TCERG1L: variants seen among roughly 807,000 people sequenced by gnomAD.
TCERG1L encodes the protein transcription elongation regulator 1-like protein.
A neutral mutation model predicts 56.3 loss-of-function variants in TCERG1L; 37 were observed. That is an observed-to-expected ratio of 0.66 (90% CI 0.51 to 0.87). The LOEUF is 0.87. TCERG1L is among the 40% of genes least tolerant of loss of function. The probability of loss-of-function intolerance (pLI) is 0.00; values close to 1 mark genes in which losing one functional copy is unlikely to be tolerated. For synonymous variants in TCERG1L, 324 were observed against 326.3 expected, an observed-to-expected ratio of 0.99 and a Z score of 0.08; for missense variants, 799 against 774.2, an observed-to-expected ratio of 1.03 and a Z score of -0.38.
chr10:131,135,262 G>C (rs778656925), intron 7 of TCERG1L, among the ~76,000 whole-genome samples: 1 of 152,116 alleles, frequency 6.6e-6, no homozygotes, highest in Non-Finnish European at 1.5e-5. Flanking sequence ...GGCTGGGCTA[G>C]GCTGAACTAG....
intron 4 of TCERG1L, among the ~76,000 whole-genome samples, chr10:131,258,042 A>C (rs1337202750): frequency 6.6e-6 from 1 of 152,232 alleles, no homozygotes; most frequent in Non-Finnish European, 1.5e-5. Context: ...CCTGCTTTGC[A>C]TTGATGTCCT....
intron 3 of TCERG1L, among the ~76,000 whole-genome samples, chr10:131,300,013 T>C (rs1295759857): frequency 6.6e-6 from 1 of 152,166 alleles, no homozygotes; most frequent in Non-Finnish European, 1.5e-5. Flanking sequence ...TAACTTTCTC[T>C]ATGCTAGTAT....
chr10:131,255,034 G>A (rs1245513681), intron 4 of TCERG1L, among the ~76,000 whole-genome samples: 3 of 152,078 alleles, frequency 2.0e-5, no homozygotes, highest in Non-Finnish European at 4.4e-5. Flanking sequence ...AACACTGTGG[G>A]AGAGGAGGCA....
chr10:131,120,958 C>A lies in TCERG1L; in HGVS notation c.1260-4024G>T, dbSNP rs142743337. Among the ~76,000 whole-genome samples the A allele has an allele frequency of 2.9e-3, 444 of 152,348 alleles. 3 individuals are homozygous for A. The highest frequency in any genetic ancestry group is 4.5e-3 in the Non-Finnish European group (308 of 68,038). On this transcript the variant is annotated intron_variant, in intron 8 of 11. Coordinates refer to ENST00000368642, the MANE Select transcript of TCERG1L (RefSeq NM_174937.4). Reference sequence around the variant, plus strand: ...CCAAGGAGCTTACAGTCCAGTGGGACATGTATAAAACAGTTACACACATGC... The same window carrying A: ...CCAAGGAGCTTACAGTCCAGTGGGAAATGTATAAAACAGTTACACACATGC...
intron 3 of TCERG1L, among the ~76,000 whole-genome samples, chr10:131,281,137 G>A (rs1846447114): frequency 6.6e-6 from 1 of 152,090 alleles, no homozygotes; most frequent in Non-Finnish European, 1.5e-5. Flanking sequence ...TAATCTACTA[G>A]CAACAGTCAT....
chr10:131,287,696 G>C (rs1162278058), intron 3 of TCERG1L, among the ~76,000 whole-genome samples: 2 of 152,148 alleles, frequency 1.3e-5, no homozygotes, highest in Non-Finnish European at 1.5e-5. Context: ...AGCATCTATG[G>C]GAACGGTCTA....
chr10:131,281,046 G>A (rs1166625589), intron 3 of TCERG1L, among the ~76,000 whole-genome samples: 3 of 152,074 alleles, frequency 2.0e-5, no homozygotes, highest in African/African-American at 7.2e-5. Context: ...TATCACTGTG[G>A]TCCACAGTGA....
intron 3 of TCERG1L, among the ~76,000 whole-genome samples, chr10:131,278,458 C>T (rs1846416892): frequency 6.6e-6 from 1 of 151,850 alleles, no homozygotes; most frequent in Non-Finnish European, 1.5e-5. Context: ...CTGCCTCCGC[C>T]TCCCAAGTAG....
At position 131,129,223 on chromosome 10, in the gene TCERG1L, A is replaced by C. The variant is rs775868392; in HGVS notation, c.1259+5156T>G. The stretch of plus-strand genomic sequence containing the variant: ...CCTCTAAGAGGAAAAAAAAAAGAAA[A>C]CAGTCAAGGAAATTTAAACCATGGC... On this transcript the variant is annotated intron_variant, in intron 8 of 11. Transcript: ENST00000368642. 3.7e-4 allele frequency among the ~76,000 whole-genome samples: 57 copies of C among 152,240 alleles called. 1 individual carries two copies. The highest frequency in any genetic ancestry group is 6.5e-4 in the Non-Finnish European group (44 of 68,046).
At chr10:131,257,839 T>C (rs1428209819) in intron 4 of TCERG1L, among the ~76,000 whole-genome samples, 1 of 152,218 alleles carries the variant, frequency 6.6e-6, no homozygotes, top group African/African-American at 2.4e-5. Context: ...AGCTCTGAGG[T>C]TACTGACTTT....
At chr10:131,148,102 C>A (rs1845819314) in intron 6 of TCERG1L, among the ~76,000 whole-genome samples, 2 of 152,242 alleles carry the variant, frequency 1.3e-5, no homozygotes, top group African/African-American at 4.8e-5. Flanking sequence ...CCAAAGACGT[C>A]CACGTCCTGA....
At position 131,192,297 on chromosome 10, in the gene TCERG1L, C is replaced by A. The variant is rs1379693284; in HGVS notation, c.857-25412G>T. 1.4e-5 allele frequency among the ~76,000 whole-genome samples: 2 copies of A among 144,114 alleles called. 1 individual carries two copies. Among genetic ancestry groups the A allele is most frequent in the Non-Finnish European group, 3.1e-5 (2 of 65,404 alleles). 94.5% of individuals were successfully genotyped at this position (144,114 alleles called of 152,430 possible). A position where few individuals can be genotyped will look rare whatever the true frequency, so the allele number is the denominator to read the frequency against. On this transcript the variant is annotated intron_variant, in intron 4 of 11. Coordinates refer to ENST00000368642, the MANE Select transcript of TCERG1L (RefSeq NM_174937.4). ...ATGCTTAACATAGTTAATCATCAGA[C>A]AACTGCAAATTAAAACCACAATGAG...
At chr10:131,172,278 C>A (rs1414716363) in intron 4 of TCERG1L, among the ~76,000 whole-genome samples, 1 of 151,832 alleles carries the variant, frequency 6.6e-6, no homozygotes, top group Non-Finnish European at 1.5e-5. Context: ...AGGAGGGGAA[C>A]CCGGGGAAGT....
intron 1 of TCERG1L, among the ~76,000 whole-genome samples, chr10:131,310,356 A>G (rs1846872548): frequency 1.3e-5 from 2 of 152,244 alleles, no homozygotes; most frequent in Admixed American, 6.5e-5. Context: ...CCAGTGCTGC[A>G]TATGTGATGT....
chr10:131,136,668 G>C (rs1845678640), intron 7 of TCERG1L, among the ~76,000 whole-genome samples: 1 of 151,988 alleles, frequency 6.6e-6, no homozygotes, highest in African/African-American at 2.4e-5. Flanking sequence ...GCTAATTTTT[G>C]TGTTTTTAGT....
chr10:131,245,533 G>A (rs541197457), intron 4 of TCERG1L, among the ~76,000 whole-genome samples: 41 of 152,272 alleles, frequency 2.7e-4, no homozygotes, highest in African/African-American at 9.4e-4. Flanking sequence ...AAACGAGGGG[G>A]CGGCTCTCCG....
At chr10:131,212,343 A>G (rs1845628355) in intron 4 of TCERG1L, among the ~76,000 whole-genome samples, 1 of 152,250 alleles carries the variant, frequency 6.6e-6, no homozygotes, top group Non-Finnish European at 1.5e-5. Flanking sequence ...CCTGAAGTTA[A>G]GGGTATACCA....
At chr10:131,137,291 C>T (rs11017742) in intron 7 of TCERG1L, among the ~76,000 whole-genome samples, 54,130 of 152,042 alleles carry the variant, frequency 0.36, 9,919 homozygotes, top group Non-Finnish European at 0.39. Context: ...CGCTGGGTCC[C>T]GAGCTCTCAC....
At chr10:131,295,312 G>C (rs779615373) in intron 3 of TCERG1L, among the ~76,000 whole-genome samples, 18 of 152,276 alleles carry the variant, frequency 1.2e-4, no homozygotes, top group African/African-American at 2.9e-4. Flanking sequence ...GGAAAAATAC[G>C]TAAGAGTGAG....
Sources: gnomAD v4.1 joint callset for allele counts (sites outside exome capture counted in the v4.1 genomes callset) on GRCh38, gnomAD v4.1.1 for gene constraint, MANE v1.5 for transcripts, NCBI Gene and HGNC (gene_info 2026-07-23, HGNC 2026-07-21) for gene names.